ZNF75A: variants seen among roughly 807,000 people sequenced by gnomAD.
The protein encoded by ZNF75A is zinc finger protein 75A.
ZNF75A carries 36 observed loss-of-function variants against 46.3 expected under a neutral mutation model. The observed-to-expected ratio is 0.78, with a 90% CI of 0.60 to 1.03. ZNF75A has a LOEUF of 1.03. Among genes scored for constraint, ZNF75A ranks in the 50% least tolerant of loss-of-function variants. The pLI is 0.00. For missense variants in ZNF75A, 595 were observed against 551.3 expected (o/e 1.08, Z -0.79); for synonymous variants, 234 against 189.9 (o/e 1.23, Z -1.91).
intron 1 of ZNF75A, 134 bp from the exon 2 acceptor site, chr16:3,308,179 A>C (rs920583093): frequency 6.5e-6 from 1 of 152,948 alleles, no homozygotes; most frequent in African/African-American, 2.4e-5. Flanking sequence ...AAAGGAGAAA[A>C]ACAAAGGGCC....
At chr16:3,312,945 C>A (rs917129349) in intron 4 of ZNF75A, 104 bp from the exon 5 acceptor site, 7 of 1,407,282 alleles carry the variant, frequency 5.0e-6, no homozygotes, top group Non-Finnish European at 6.6e-6. Flanking sequence ...TTAAAAAAAT[C>A]ATGTTCTTTT....
chr16:3,322,971 GA>G, downstream of ZNF75A: 2 of 980,620 alleles, frequency 2.0e-6, no homozygotes, highest in Non-Finnish European at 2.4e-6. Context: ...AGCCAATGTA[GA>G]AAATGCTGGA....
At chr16:3,306,189 C>T (rs1960214314) in intron 1 of ZNF75A, 1 of 152,168 alleles carries the variant, frequency 6.6e-6, no homozygotes, top group African/African-American at 2.4e-5. Context: ...AGGCTCACGG[C>T]TCTCCTCAGC....
At chr16:3,321,362 C>T (rs939226386), downstream of ZNF75A, among the ~76,000 whole-genome samples, 2 of 152,170 alleles carry the variant, frequency 1.3e-5, no homozygotes, top group Non-Finnish European at 2.9e-5. Context: ...AGAACTGTAT[C>T]ATTGACCCCG....
At chr16:3,307,488 T>A (rs1296900047) in intron 1 of ZNF75A, 2 of 152,202 alleles carry the variant, frequency 1.3e-5, no homozygotes, top group Middle Eastern at 3.4e-3. Context: ...CAATGGAAAA[T>A]CTAAAATGTT....
At chr16:3,306,441 C>T (rs62034712) in intron 1 of ZNF75A, 29,335 of 152,168 alleles carry the variant, frequency 0.19, 3,636 homozygotes, top group Admixed American at 0.29. Context: ...AGGCCTGGCG[C>T]GGTGTTTGAC....
At chr16:3,319,156 C>G (rs1484186067), downstream of ZNF75A, among the ~76,000 whole-genome samples, 1 of 152,132 alleles carries the variant, frequency 6.6e-6, no homozygotes, top group Non-Finnish European at 1.5e-5. Context: ...TCTTGTCACT[C>G]AGGCTGGAGT....
chr16:3,311,740 G>A lies in ZNF75A; in HGVS notation c.409-13G>A. 9.5e-7 allele frequency: 1 copy of A among 1,047,952 alleles called. No individual in the cohort carries two copies. Among genetic ancestry groups the A allele is most frequent in the Non-Finnish European group, 1.2e-6 (1 of 861,868 alleles). The allele number at this position is 1,047,952 out of a possible 1,614,324, so 64.9% of individuals were successfully genotyped here. A position where few individuals can be genotyped will look rare whatever the true frequency, so the allele number is the denominator to read the frequency against. On this transcript the variant is annotated splice_polypyrimidine_tract_variant and intron_variant, in intron 2 of 6. Coordinates refer to ENST00000669516, the MANE Select transcript of ZNF75A (RefSeq NM_001302109.2). ...GTAAGTTCTGTGGTAACAAGGATGG[G>A]AATTATTTCTAGGTTGCAGTCCATG...
At position 3,317,258 on chromosome 16, in the gene ZNF75A, T is replaced by C. The variant is rs1259801334; in HGVS notation, c.1003T>C (p.Ser335Pro). The C allele has an allele frequency of 1.2e-6, 2 of 1,613,870 alleles. No individual in the cohort carries two copies. The highest frequency in any genetic ancestry group is 1.7e-6 in the Non-Finnish European group (2 of 1,180,022). Reference protein sequence around the residue: ...VSLSDLEIQASAGVISKKAKV... With the variant: ...VSLSDLEIQAPAGVISKKAKV... ...TCTTTCTGACTTAGAAATACAAGCA[T>C]CAGCAGGCGTCATATCAAAAAAGGC... The change falls in exon 7 of 7, where the codon TCA becomes CCA. Residue 335 changes from serine (S) to proline (P), a missense_variant. Physicochemically the swap from Ser to Pro is moderately conservative, Grantham distance 74 (BLOSUM62 -1). Transcript: ENST00000669516.
intron 5 of ZNF75A, chr16:3,314,800 T>C: frequency 1.0e-6 from 1 of 985,392 alleles, no homozygotes; most frequent in Non-Finnish European, 1.2e-6. Flanking sequence ...AGAATTGGAG[T>C]TACTGGATTA....
intron 2 of ZNF75A, chr16:3,310,765 T>A (rs1473114057): frequency 5.1e-6 from 5 of 985,202 alleles, no homozygotes; most frequent in Non-Finnish European, 6.0e-6. Flanking sequence ...CACTGATGGG[T>A]AATGTCCTCC....
intron 2 of ZNF75A, among the ~76,000 whole-genome samples, chr16:3,309,993 G>A (rs971824216): frequency 6.6e-6 from 1 of 151,956 alleles, no homozygotes; most frequent in East Asian, 1.9e-4. Context: ...TTCACAAGAG[G>A]TTGAGGTGAG....
chr16:3,315,170 C>T, intron 5 of ZNF75A: 1 of 539,922 alleles, frequency 1.9e-6, no homozygotes, highest in Non-Finnish European at 2.4e-6. Context: ...TTGCTCAGGG[C>T]AAACAAAGTA....
In ZNF75A at chr16:3,318,582, G is replaced by A; in HGVS notation, c.*713G>A. 3 of 985,424 alleles carry A rather than the reference G, an allele frequency of 3.0e-6. No individual in the cohort carries two copies. Among genetic ancestry groups the A allele is most frequent in the South Asian group, 4.7e-5 (1 of 21,290 alleles). The allele number at this position is 985,424 out of a possible 1,614,324, so 61.0% of individuals were successfully genotyped here. ...AAAGAAACTAGACTTGTTAATCCCTGCCTTGCAATGTCAGTAGGATAAAGC... is the reference window on the plus strand; with the variant it reads ...AAAGAAACTAGACTTGTTAATCCCTACCTTGCAATGTCAGTAGGATAAAGC... On this transcript the variant is annotated 3_prime_UTR_variant, in exon 7 of 7. Coordinates refer to ENST00000669516, the MANE Select transcript of ZNF75A (RefSeq NM_001302109.2).
intron 3 of ZNF75A, 60 bp downstream of exon 3, chr16:3,312,008 A>C (rs1596394441): frequency 1.1e-6 from 1 of 920,406 alleles, no homozygotes; most frequent in East Asian, 1.2e-4. Context: ...TTATTCACCC[A>C]AAATGTCATG....
chr16:3,307,433 C>G (rs1383473680), intron 1 of ZNF75A: 1 of 152,188 alleles, frequency 6.6e-6, no homozygotes, highest in Non-Finnish European at 1.5e-5. Context: ...AGGGATACTA[C>G]TGTATTTTGA....
chr16:3,314,246 A>G (rs1431010470), intron 5 of ZNF75A, among the ~76,000 whole-genome samples: 1 of 152,152 alleles, frequency 6.6e-6, no homozygotes, highest in Non-Finnish European at 1.5e-5. Flanking sequence ...GTATTTTAGA[A>G]ATGAGCTAAG....
chr16:3,314,148 C>G (rs938275722), intron 5 of ZNF75A, among the ~76,000 whole-genome samples: 1 of 152,114 alleles, frequency 6.6e-6, no homozygotes, highest in Non-Finnish European at 1.5e-5. Flanking sequence ...CTGGTAGACA[C>G]TTGGTTCTAA....
Position 3,316,956 on chromosome 16 carries a change from C to T in ZNF75A, c.868C>T (p.Gln290Ter), listed in dbSNP as rs773274525. Residue 290 changes from glutamine (Q) to a stop codon, truncating the protein, a stop_gained, in exon 6 of 7, where the codon CAA becomes TAA. Transcript: ENST00000669516. LOFTEE classifies it high-confidence loss of function. ...ACCTAAAGTGATCTCCTGTCTAGAG[C>T]AAGGGGAAGAGCCATGGGTTCAAGT... ...PKPKVISCLE[Q>*]GEEPWVQVSP... is the part of the protein sequence containing the mutation. 1.2e-6 allele frequency: 2 copies of T among 1,613,962 alleles called. No homozygotes were observed. Among genetic ancestry groups the T allele is most frequent in the Non-Finnish European group, 8.5e-7 (1 of 1,179,948 alleles).
Sources: gnomAD v4.1 joint callset for allele counts (sites outside exome capture counted in the v4.1 genomes callset) on GRCh38, gnomAD v4.1.1 for gene constraint, MANE v1.5 for transcripts, NCBI Gene and HGNC (gene_info 2026-07-23, HGNC 2026-07-21) for gene names.